DUOX1: variants seen among roughly 807,000 people sequenced by gnomAD.
DUOX1 encodes the protein dual oxidase 1.
In DUOX1, 134 loss-of-function variants were observed where a neutral mutation model predicts 181.8. The observed-to-expected ratio is 0.74, with a 90% confidence interval of 0.64 to 0.85. The LOEUF is 0.85. Among genes scored for constraint, DUOX1 ranks in the 40% least tolerant of loss-of-function variants. The probability of loss-of-function intolerance (pLI) is 0.00; values close to 1 mark genes in which losing one functional copy is unlikely to be tolerated. For missense variants in DUOX1, 1,814 were observed against 2,064.4 expected (o/e 0.88, Z 2.35); for synonymous variants, 798 against 832.5 (o/e 0.96, Z 0.71).
Position 45,152,499 on chromosome 15 carries a change from C to T in DUOX1, c.3407C>T (p.Thr1136Ile). ...AVDFHRLIASTAIVLTVLHSV... is the reference protein window; with the variant it reads ...AVDFHRLIASIAIVLTVLHSV... Reference sequence around the variant, plus strand: ...GACTTCCATCGCCTCATTGCCTCCACCGCCATCGTCCTCACAGGCAGGGCC... The same window carrying T: ...GACTTCCATCGCCTCATTGCCTCCATCGCCATCGTCCTCACAGGCAGGGCC... The change falls in exon 25 of 34, where the codon ACC (threonine) becomes ATC (isoleucine). Residue 1136 changes from threonine to isoleucine, a missense_variant. Thr to Ile is a moderately conservative substitution (Grantham distance 89). Transcript: ENST00000389037. 6.2e-7 allele frequency: 1 copy of T among 1,614,080 alleles called. No homozygotes were observed. Among genetic ancestry groups the T allele is most frequent in the Non-Finnish European group, 8.5e-7 (1 of 1,180,014 alleles).
chr15:45,149,092 G>C (rs943362748), intron 21 of DUOX1, among the ~76,000 whole-genome samples: 1 of 152,106 alleles, frequency 6.6e-6, no homozygotes, highest in Non-Finnish European at 1.5e-5. Flanking sequence ...CAGGCAGGAG[G>C]GTCTGTCTGT....
rs754666215 is a variant in DUOX1, at chr15:45,132,018, C to T, written c.52C>T (p.Pro18Ser). The part of the protein sequence containing the change: ...AWTLLVGAWT[P>S]LGAQNPISWE... ...GACACTTCTGGTTGGGGCATGGACC[C>T]CTCTGGGTGAGTACAGATTGGAGGA... Residue 18 changes from proline to serine, a missense_variant, in exon 2 of 34, where the codon CCT becomes TCT. This residue lies in a region of DUOX1 where 320 missense variants were observed against 313.1 expected (regional missense o/e 1.02). Transcript: ENST00000389037. 1.8e-5 allele frequency: 29 copies of T among 1,610,506 alleles called. No individual in the cohort carries two copies. Among genetic ancestry groups the T allele is most frequent in the Non-Finnish European group, 2.4e-5 (28 of 1,178,946 alleles).
At chr15:45,164,058 G>A in intron 33 of DUOX1, 140 bp downstream of exon 33, 1 of 1,337,246 alleles carries the variant, frequency 7.5e-7, no homozygotes. Context: ...TAATGGAATG[G>A]AAAGGATAGG....
At chr15:45,132,372 G>A (rs1896177887) in intron 2 of DUOX1, among the ~76,000 whole-genome samples, 1 of 152,192 alleles carries the variant, frequency 6.6e-6, no homozygotes, top group Non-Finnish European at 1.5e-5. Context: ...AGACACATAA[G>A]ACAATAAAGG....
At chr15:45,143,968 T>C in intron 16 of DUOX1, 68 bp from the exon 17 acceptor site, 1 of 1,518,636 alleles carries the variant, frequency 6.6e-7, no homozygotes, top group Non-Finnish European at 9.1e-7. Context: ...AGCCCTGAGC[T>C]GGCCCTCTTC....
At chr15:45,157,314 T>G (rs1896989554) in intron 28 of DUOX1, among the ~76,000 whole-genome samples, 1 of 152,180 alleles carries the variant, frequency 6.6e-6, no homozygotes, top group African/African-American at 2.4e-5. Context: ...CAATAATGAG[T>G]GGAGCCCTAG....
chr15:45,131,765 A>G (rs1896158184), intron 1 of DUOX1, 153 bp from the exon 2 acceptor site: 3 of 606,718 alleles, frequency 4.9e-6, no homozygotes, highest in Admixed American at 2.9e-5. Flanking sequence ...TGCCGAATCA[A>G]TTAAAGAATT....
rs1897079904 is a variant in DUOX1 at position 45,160,824 on chromosome 15, T to C, written c.3703-13T>C. On this transcript the variant is annotated splice_polypyrimidine_tract_variant and intron_variant, in intron 28 of 33. Transcript: ENST00000389037. ...CATCGCTAGGTCTGAGCAGAGCTCT[T>C]TCCTCCATCTAGCTCATCATCCATG... The C allele has an allele frequency of 1.3e-5, 21 of 1,593,066 alleles. No homozygotes were observed. Among genetic ancestry groups the C allele is most frequent in the Non-Finnish European group, 1.7e-5 (20 of 1,168,714 alleles).
chr15:45,155,539 G>C (rs1203205720), intron 27 of DUOX1: 3 of 425,132 alleles, frequency 7.1e-6, no homozygotes, highest in African/African-American at 6.4e-5. Flanking sequence ...GCACTCCAGG[G>C]AGCCTGGGTA....
chr15:45,134,414 G>A (rs1323185613), intron 4 of DUOX1, 105 bp downstream of exon 4: 1 of 1,270,152 alleles, frequency 7.9e-7, no homozygotes, highest in South Asian at 1.6e-5. Context: ...AAGGCCTAAG[G>A]GATGAGGGTG....
chr15:45,143,169 C>A (rs930083063), intron 15 of DUOX1, 21 bp from the exon 16 acceptor site: 3 of 1,605,188 alleles, frequency 1.9e-6, no homozygotes, highest in Non-Finnish European at 2.6e-6. Context: ...TCTCCCTGAA[C>A]CTCTGCCTCT....
rs116830929 is a variant in DUOX1, at chr15:45,156,052, C to T, written c.3702+123C>T. ...TTGAAGCATCCTCTTCACTTCTCGA[C>T]GTCCCTCTTTGAAGGTGGAGATGAT... On this transcript the variant is annotated intron_variant, in intron 28 of 33. Transcript: ENST00000389037. 808 of 1,340,348 alleles carry T rather than the reference C, an allele frequency of 6.0e-4. No homozygotes were observed. In the African/African-American group the frequency reaches 0.01, roughly 17 times the overall value. 83.0% of individuals were successfully genotyped at this position (1,340,348 alleles called of 1,614,324 possible). A position where few individuals can be genotyped will look rare whatever the true frequency, so the allele number is the denominator to read the frequency against.
In DUOX1 at chr15:45,141,356, G is replaced by T; in HGVS notation, c.1630G>T (p.Val544Phe). 7 of 1,614,254 alleles carry T rather than the reference G, an allele frequency of 4.3e-6. No homozygotes were observed. Among genetic ancestry groups the T allele is most frequent in the Non-Finnish European group, 5.9e-6 (7 of 1,180,052 alleles). Reference protein sequence around the residue: ...NTTLQDVLVAVINIDPSALQP... With the variant: ...NTTLQDVLVAFINIDPSALQP... The stretch of plus-strand genomic sequence containing the variant: ...CACCCTGCAGGACGTGCTGGTCGCT[G>T]TTATCAACATTGACCCCAGTGCTCT... Residue 544 changes from valine to phenylalanine, a missense_variant, in exon 14 of 34, where the codon GTT (valine) becomes TTT (phenylalanine). Val to Phe is a conservative substitution (Grantham distance 50, BLOSUM62 -1). Coordinates refer to ENST00000389037, the MANE Select transcript of DUOX1 (RefSeq NM_175940.3).
chr15:45,160,374 A>T (rs1897068088), intron 28 of DUOX1, among the ~76,000 whole-genome samples: 1 of 152,192 alleles, frequency 6.6e-6, no homozygotes, highest in Non-Finnish European at 1.5e-5. Context: ...GTGTTTGAGG[A>T]ACAGGGAGGG....
At chr15:45,131,760 A>G (rs1896157933) in intron 1 of DUOX1, 158 bp from the exon 2 acceptor site, 1 of 602,030 alleles carries the variant, frequency 1.7e-6, no homozygotes, top group African/African-American at 1.9e-5. Flanking sequence ...GTATTTGCCG[A>G]ATCAATTAAA....
intron 21 of DUOX1, 135 bp from the exon 22 acceptor site, chr15:45,150,497 C>T (rs532818241): frequency 7.5e-5 from 60 of 801,682 alleles, no homozygotes; most frequent in Admixed American, 4.4e-4. Flanking sequence ...TTGGAGCACC[C>T]GAAAGCAGGG....
In DUOX1 at chr15:45,145,058, T is replaced by G. The variant is rs777551403; in HGVS notation, c.2300T>G (p.Phe767Cys). ...REQRRHLLET[F>C]FRHLFSQVLD... Reference sequence around the variant, plus strand: ...CAGCGGAGGCACCTCCTGGAGACCTTTTTCAGGCACCTTTTCTCCCAGGTG... The same window carrying G: ...CAGCGGAGGCACCTCCTGGAGACCTGTTTCAGGCACCTTTTCTCCCAGGTG... Residue 767 changes from phenylalanine (F) to cysteine (C), a missense_variant, in exon 18 of 34, where the codon TTT (phenylalanine) becomes TGT (cysteine). By Grantham distance (205) the Phe-to-Cys change is radical (BLOSUM62 -2). This residue lies in a region of DUOX1 where 1,064 missense variants were observed against 1,152.9 expected (regional missense o/e 0.92). Transcript: ENST00000389037. 8.1e-6 allele frequency: 13 copies of G among 1,608,034 alleles called. No homozygotes were observed. Among genetic ancestry groups the G allele is most frequent in the Non-Finnish European group, 1.1e-5 (13 of 1,177,560 alleles).
In DUOX1 at chr15:45,152,407, C is replaced by T; in HGVS notation, c.3315C>T (p.Cys1105=). 1.2e-6 allele frequency: 2 copies of T among 1,614,218 alleles called. No individual in the cohort carries two copies. The highest frequency in any genetic ancestry group is 1.7e-6 in the Non-Finnish European group (2 of 1,180,030). Residue 1105 remains cysteine (C), a synonymous_variant, in exon 25 of 34, where the codon TGC becomes TGT. Transcript: ENST00000389037. ...TCTCCTACATCTTGCTCACCATGTGCCGCAACCTCATCACCTTCCTGCGAG... is the reference window on the plus strand; with the variant it reads ...TCTCCTACATCTTGCTCACCATGTGTCGCAACCTCATCACCTTCCTGCGAG... ...FMFSYILLTM[C]RNLITFLRET... is the part of the protein sequence containing the mutation.
rs751316671 is a variant in DUOX1 at position 45,144,091 on chromosome 15, G to A, written c.1992G>A (p.Gln664=). The change falls in exon 17 of 34, where the codon CAG becomes CAA. Residue 664 remains glutamine, a synonymous_variant. Transcript: ENST00000389037. ...GCCGGCCCGTGCTTGTGTACCTGCA[G>A]CCCGGGCAGATCCGTGTGGTAGATG... ...EPCRPVLVYL[Q]PGQIRVVDGR... 4 of 1,614,040 alleles carry A rather than the reference G, an allele frequency of 2.5e-6. No individual in the cohort carries two copies. Among genetic ancestry groups the A allele is most frequent in the South Asian group, 1.1e-5 (1 of 91,090 alleles).
Sources: gnomAD v4.1 joint callset for allele counts (sites outside exome capture counted in the v4.1 genomes callset) on GRCh38, gnomAD v4.1.1 for gene constraint, gnomAD v4.1.1 regional missense constraint, MANE v1.5 for transcripts, NCBI Gene and HGNC (gene_info 2026-07-23, HGNC 2026-07-21) for gene names.